Variants in RABEP1 observed in about 807,000 individuals in gnomAD.
RABEP1 encodes the protein rab GTPase-binding effector protein 1.
A neutral mutation model predicts 123.4 loss-of-function variants in RABEP1; 51 were observed. That is an observed-to-expected ratio of 0.41 (90% CI 0.33 to 0.52). The LOEUF (loss-of-function observed/expected upper bound fraction) is 0.52, where lower values mean the gene tolerates loss of function less well. Among genes scored for constraint, RABEP1 ranks in the 20% least tolerant of loss-of-function variants. The pLI is 0.16. For synonymous variants in RABEP1, 347 were observed against 355.2 expected (o/e 0.98, Z 0.26); for missense variants, 888 against 996.3 (o/e 0.89, Z 1.46).
chr17:5,384,646 T>A lies in RABEP1; in HGVS notation c.*1423T>A, dbSNP rs1911792829. 1 of 213,676 alleles carries A rather than the reference T, an allele frequency of 4.7e-6. No individual in the cohort carries two copies. The highest frequency in any genetic ancestry group is 9.4e-6 in the Non-Finnish European group (1 of 105,950). 13.2% of individuals were successfully genotyped at this position (213,676 alleles called of 1,614,324 possible). On this transcript the variant is annotated 3_prime_UTR_variant, in exon 18 of 18. Coordinates refer to ENST00000537505, the MANE Select transcript of RABEP1 (RefSeq NM_004703.6). ...CTTCTGTCTTCCATAGGACAAATGA[T>A]AAGTACTACATACCTCATCTCTTGG...
At chr17:5,327,440 G>C (rs1906092094) in intron 2 of RABEP1, among the ~76,000 whole-genome samples, 1 of 152,088 alleles carries the variant, frequency 6.6e-6, no homozygotes, top group African/African-American at 2.4e-5. Flanking sequence ...TGTTACCATG[G>C]CTAGATGTCA....
intron 2 of RABEP1, among the ~76,000 whole-genome samples, chr17:5,312,475 A>G (rs1465087507): frequency 6.6e-6 from 1 of 152,174 alleles, no homozygotes; most frequent in East Asian, 1.9e-4. Context: ...TTAATACAAC[A>G]GGACAATGAA....
chr17:5,352,072 T>A (rs1190348115), intron 7 of RABEP1, among the ~76,000 whole-genome samples: 1 of 152,188 alleles, frequency 6.6e-6, no homozygotes, highest in Non-Finnish European at 1.5e-5. Context: ...ACGTTTCAAA[T>A]TGCTTTATGT....
chr17:5,312,770 G>A (rs1030839273), intron 2 of RABEP1, among the ~76,000 whole-genome samples: 1 of 152,098 alleles, frequency 6.6e-6, no homozygotes, highest in African/African-American at 2.4e-5. Flanking sequence ...AATACATTTT[G>A]CACAGTATCA....
chr17:5,317,058 C>G (rs561323311), intron 2 of RABEP1, among the ~76,000 whole-genome samples: 1 of 152,126 alleles, frequency 6.6e-6, no homozygotes, highest in African/African-American at 2.4e-5. Context: ...GCACCTGCTA[C>G]CATGCCTGGC....
intron 5 of RABEP1, among the ~76,000 whole-genome samples, chr17:5,341,540 C>T (rs1353290532): frequency 1.3e-5 from 2 of 152,076 alleles, no homozygotes; most frequent in Middle Eastern, 3.2e-3. Flanking sequence ...CTGGAAAGAG[C>T]AAATTCTTAT....
chr17:5,294,631 G>GTTTTT (rs1355713572), intron 1 of RABEP1, among the ~76,000 whole-genome samples: 30 of 50,104 alleles, frequency 6.0e-4, no homozygotes, highest in Non-Finnish European at 1.1e-3. Flanking sequence ...AAACGGTATT[G>GTTTTT]TCTTTTTTTT....
chr17:5,354,323 A>G, intron 7 of RABEP1, 36 bp from the exon 8 acceptor site: 1 of 1,565,404 alleles, frequency 6.4e-7, no homozygotes, highest in Non-Finnish European at 8.7e-7. Flanking sequence ...TAAGTAGGTT[A>G]CTTGGGTCAT....
intron 5 of RABEP1, among the ~76,000 whole-genome samples, chr17:5,339,736 A>T (rs183783272): frequency 1.3e-5 from 2 of 151,876 alleles, no homozygotes; most frequent in Admixed American, 1.3e-4. Flanking sequence ...GGAGGTGGAG[A>T]TTGTTGCAGT....
At position 5,282,444 on chromosome 17, in the gene RABEP1, G is replaced by A. The variant is rs909165711; in HGVS notation, c.-43G>A. ...TGAGCCCGCGGGAGCCCAGGACGCC[G>A]CTTCCCCGCCCATCCCCGCTCCCCG... On this transcript the variant is annotated 5_prime_UTR_variant, in exon 1 of 18. Transcript: ENST00000537505. The A allele has an allele frequency of 9.0e-6, 12 of 1,332,100 alleles. No individual in the cohort carries two copies. The South Asian group carries it at 1.7e-4, about 19-fold the overall frequency. The allele number at this position is 1,332,100 out of a possible 1,614,324, so 82.5% of individuals were successfully genotyped here.
intron 12 of RABEP1, among the ~76,000 whole-genome samples, chr17:5,370,586 T>C (rs974887714): frequency 3.3e-5 from 5 of 152,208 alleles, no homozygotes; most frequent in Non-Finnish European, 5.9e-5. Context: ...AGGCCATCTG[T>C]CTTGTAGAAT....
At position 5,374,909 on chromosome 17, in the gene RABEP1, G is replaced by A. The variant is rs144454054; in HGVS notation, c.2025+1455G>A. Among the ~76,000 whole-genome samples, 1,127 of 151,956 alleles carry A rather than the reference G, an allele frequency of 7.4e-3. 15 individuals carry two copies. The highest frequency in any genetic ancestry group is 0.024 in the African/African-American group (1,014 of 41,454). On this transcript the variant is annotated intron_variant, in intron 13 of 17. Coordinates refer to ENST00000537505, the MANE Select transcript of RABEP1 (RefSeq NM_004703.6). The stretch of plus-strand genomic sequence containing the variant: ...CGCCCGCCTTGGCCTCCCAAAGTGC[G>A]GGGATTACAGGCATCAGCCACCGCA...
intron 1 of RABEP1, among the ~76,000 whole-genome samples, chr17:5,294,539 T>A (rs2075062257): frequency 6.6e-6 from 1 of 150,620 alleles, no homozygotes; most frequent in South Asian, 2.1e-4. Flanking sequence ...AATACTACAC[T>A]GTTTTATATA....
chr17:5,355,584 G>C (rs1327742678), intron 8 of RABEP1, among the ~76,000 whole-genome samples: 1 of 152,082 alleles, frequency 6.6e-6, no homozygotes, highest in Non-Finnish European at 1.5e-5. Context: ...TCACTTCCCT[G>C]CGGCACCTCC....
intron 1 of RABEP1, among the ~76,000 whole-genome samples, chr17:5,294,633 C>CTGTTTTTTTTTTTT (rs2075063675): frequency 1.9e-5 from 1 of 53,024 alleles, no homozygotes; most frequent in Non-Finnish European, 3.4e-5. Flanking sequence ...ACGGTATTGT[C>CTGTTTTTTTTTTTT]TTTTTTTTTT....
At chr17:5,360,222 G>T (rs1275982992) in intron 8 of RABEP1, among the ~76,000 whole-genome samples, 1 of 152,078 alleles carries the variant, frequency 6.6e-6, no homozygotes. Flanking sequence ...ATCTGCTTTC[G>T]CATAGTATAC....
At chr17:5,286,491 C>T (rs1381839541) in intron 1 of RABEP1, among the ~76,000 whole-genome samples, 1 of 148,116 alleles carries the variant, frequency 6.8e-6, no homozygotes, top group East Asian at 2.3e-4. Flanking sequence ...GAGACTCTGT[C>T]TCAAAAAAAA....
At chr17:5,357,974 C>A (rs1386383192) in intron 8 of RABEP1, among the ~76,000 whole-genome samples, 2 of 152,214 alleles carry the variant, frequency 1.3e-5, no homozygotes, top group South Asian at 4.2e-4. Flanking sequence ...TCTTAGCTGT[C>A]TGGAACTGGC....
chr17:5,282,495 G>C lies in RABEP1; in HGVS notation c.9G>C (p.Gln3His). The C allele has an allele frequency of 7.8e-7, 1 of 1,286,370 alleles. No individual in the cohort carries two copies. Among genetic ancestry groups the C allele is most frequent in the Non-Finnish European group, 9.9e-7 (1 of 1,015,066 alleles). The allele number at this position is 1,286,370 out of a possible 1,614,324, so 79.7% of individuals were successfully genotyped here. Residue 3 changes from glutamine (Q) to histidine (H), a missense_variant, in exon 1 of 18, where the codon CAG becomes CAC. Coordinates refer to ENST00000537505, the MANE Select transcript of RABEP1 (RefSeq NM_004703.6). MA[Q>H]PGPASQPDVS... ...AGGCCGGCCGCCTGGTCATGGCGCA[G>C]CCGGGCCCGGCTTCCCAGCCTGACG...
Sources: allele counts gnomAD v4.1 joint callset (sites outside exome capture counted in the v4.1 genomes callset), GRCh38; gene constraint gnomAD v4.1.1; transcripts MANE v1.5; gene names NCBI Gene and HGNC (gene_info 2026-07-23, HGNC 2026-07-21).